Variants in AGTPBP1 observed in about 807,000 individuals in gnomAD.
AGTPBP1 encodes the protein cytosolic carboxypeptidase 1.
Under a neutral mutation model 143.9 loss-of-function variants are expected in AGTPBP1, and 70 were observed. That is an observed-to-expected ratio of 0.49 (90% confidence interval 0.40 to 0.59). AGTPBP1 has a LOEUF of 0.59. AGTPBP1 is among the 20% of genes least tolerant of loss of function. The pLI, the probability that AGTPBP1 is intolerant of heterozygous loss-of-function variation, is 0.00. For synonymous variants in AGTPBP1, 463 were observed against 500.2 expected (o/e 0.93, Z 0.99); for missense variants, 1,229 against 1,464.5 (o/e 0.84, Z 2.62).
intron 23 of AGTPBP1, among the ~76,000 whole-genome samples, chr9:85,582,679 CA>C (rs916975917): frequency 4.2e-5 from 6 of 144,226 alleles, no homozygotes; most frequent in Non-Finnish European, 1.5e-5. Flanking sequence ...GACTCCATCT[CA>C]AAAAAAAAAG....
chr9:85,662,416 T>C (rs1464514922), intron 8 of AGTPBP1, among the ~76,000 whole-genome samples: 1 of 152,224 alleles, frequency 6.6e-6, no homozygotes, highest in Non-Finnish European at 1.5e-5. Flanking sequence ...TAAATTTTCA[T>C]TGCATTGAAT....
upstream of AGTPBP1, among the ~76,000 whole-genome samples, chr9:85,744,506 C>G (rs1824559861): frequency 6.6e-6 from 1 of 152,160 alleles, no homozygotes; most frequent in South Asian, 2.1e-4. Flanking sequence ...CAGGAAAAAT[C>G]AGGTACACGG....
At chr9:85,799,201 G>A in the AGTPBP1 span, among the ~76,000 whole-genome samples, 1 of 152,090 alleles carries the variant, frequency 6.6e-6, no homozygotes, top group Non-Finnish European at 1.5e-5. Context: ...TGGTGTATAT[G>A]TGCCACATTT....
chr9:85,725,457 G>T (rs369038424), intron 1 of AGTPBP1, among the ~76,000 whole-genome samples: 42 of 152,186 alleles, frequency 2.8e-4, no homozygotes, highest in African/African-American at 8.4e-4. Context: ...CTTGATAACT[G>T]GTGGTTGCTA....
At chr9:85,698,169 T>C (rs1836394882) in intron 2 of AGTPBP1, among the ~76,000 whole-genome samples, 2 of 152,142 alleles carry the variant, frequency 1.3e-5, no homozygotes, top group South Asian at 2.1e-4. Context: ...ACACAGTGAA[T>C]GGAACACAGG....
At chr9:85,609,973 A>G (rs1295030678) in intron 17 of AGTPBP1, among the ~76,000 whole-genome samples, 1 of 152,180 alleles carries the variant, frequency 6.6e-6, no homozygotes, top group Non-Finnish European at 1.5e-5. Context: ...CACCTAAATA[A>G]TATTAAACTG....
At chr9:85,751,009 G>A in the AGTPBP1 span, among the ~76,000 whole-genome samples, 20 of 152,268 alleles carry the variant, frequency 1.3e-4, no homozygotes, top group African/African-American at 3.9e-4. Context: ...TTTCCTAATC[G>A]TACCTCTCTG....
rs528829022 is a variant in AGTPBP1 at position 85,582,729 on chromosome 9, G to A, written c.3165+2734C>T. 1.2e-3 allele frequency among the ~76,000 whole-genome samples: 177 copies of A among 151,598 alleles called. No individual in the cohort carries two copies. The Middle Eastern group carries it at 0.024, about 21-fold the overall frequency. On this transcript the variant is annotated intron_variant, in intron 23 of 25. Coordinates refer to ENST00000357081, the MANE Select transcript of AGTPBP1 (RefSeq NM_001330701.2). ...ATGTCATAATTTGTTGTATTTTCCC[G>A]CAAAAACATAAACACTTGCACTAAA... is the stretch of plus-strand genomic sequence containing the variant.
Position 85,578,952 on chromosome 9 carries a change from T to C in AGTPBP1, c.3310A>G (p.Thr1104Ala). Residue 1104 changes from threonine to alanine, a missense_variant, in exon 24 of 26, where the codon ACT becomes GCT. By Grantham distance (58) the Thr-to-Ala change is moderately conservative. Around this residue, in one of 2 missense-constraint regions of AGTPBP1, gnomAD observed 486 missense variants for 652.3 expected, o/e 0.75. Coordinates refer to ENST00000357081, the MANE Select transcript of AGTPBP1 (RefSeq NM_001330701.2). ...GVQRSYTMES[T>A]LCGCDQGKYK... ...TTTCCCTGATCACAGCCACATAAAG[T>C]ACTCTCCATGGTATAACTTCTTTGT... 6.2e-7 allele frequency: 1 copy of C among 1,613,516 alleles called. No individual in the cohort carries two copies. The highest frequency in any genetic ancestry group is 8.5e-7 in the Non-Finnish European group (1 of 1,179,790).
intron 23 of AGTPBP1, 125 bp from the exon 24 acceptor site, chr9:85,579,221 T>C (rs981987200): frequency 1.1e-6 from 1 of 916,668 alleles, no homozygotes; most frequent in Admixed American, 3.5e-5. Flanking sequence ...TTCTATTATA[T>C]ATCCCTTGCC....
chr9:85,790,222 T>TA, the AGTPBP1 span, among the ~76,000 whole-genome samples: 9 of 152,222 alleles, frequency 5.9e-5, no homozygotes, highest in Admixed American at 3.3e-4. Flanking sequence ...ATTGGGCATG[T>TA]AGTACTTTTG....
intron 9 of AGTPBP1, among the ~76,000 whole-genome samples, chr9:85,659,098 C>A (rs1334435483): frequency 6.6e-6 from 1 of 152,070 alleles, no homozygotes; most frequent in Non-Finnish European, 1.5e-5. Flanking sequence ...TATTAAAATT[C>A]TTCACAAATA....
intron 2 of AGTPBP1, among the ~76,000 whole-genome samples, chr9:85,703,609 G>C (rs1836807039): frequency 6.6e-6 from 1 of 152,222 alleles, no homozygotes; most frequent in Non-Finnish European, 1.5e-5. Context: ...CACTGAGTCA[G>C]AGTAACACTA....
intron 3 of AGTPBP1, among the ~76,000 whole-genome samples, chr9:85,689,898 C>CAAAAAAAAA (rs1156931410): frequency 2.1e-4 from 6 of 28,344 alleles, no homozygotes; most frequent in Admixed American, 1.3e-3. Flanking sequence ...GACTCTGCCT[C>CAAAAAAAAA]AAAAAAAAAA....
intron 11 of AGTPBP1, among the ~76,000 whole-genome samples, chr9:85,654,244 C>G (rs1316353052): frequency 6.6e-6 from 1 of 152,078 alleles, no homozygotes; most frequent in Non-Finnish European, 1.5e-5. Flanking sequence ...GGACTACTTT[C>G]TCTTTTTCAC....
At chr9:85,754,381 G>A in the AGTPBP1 span, among the ~76,000 whole-genome samples, 28 of 152,076 alleles carry the variant, frequency 1.8e-4, no homozygotes, top group Non-Finnish European at 3.4e-4. Context: ...TAGTAGAGAC[G>A]GGGTTTCACC....
chr9:85,691,676 C>T (rs1356841745), intron 3 of AGTPBP1, among the ~76,000 whole-genome samples: 1 of 151,762 alleles, frequency 6.6e-6, no homozygotes, highest in South Asian at 2.1e-4. Flanking sequence ...TGATATATTT[C>T]CTGGTATCTT....
chr9:85,734,429 A>ACATC (rs76805078), intron 1 of AGTPBP1, among the ~76,000 whole-genome samples: 2,255 of 152,332 alleles, frequency 0.015, 25 homozygotes, highest in Middle Eastern at 0.037. Flanking sequence ...CCTGATACCA[A>ACATC]AGTCAGACAG....
intron 2 of AGTPBP1, among the ~76,000 whole-genome samples, chr9:85,697,245 C>A (rs1052785824): frequency 6.6e-6 from 1 of 152,022 alleles, no homozygotes; most frequent in African/African-American, 2.4e-5. Flanking sequence ...ATAAGAGAAT[C>A]TGTTTTCTAT....
Sources: allele counts gnomAD v4.1 joint callset (sites outside exome capture counted in the v4.1 genomes callset), GRCh38; gene constraint gnomAD v4.1.1; regional missense constraint gnomAD v4.1.1; transcripts MANE v1.5; gene names NCBI Gene and HGNC (gene_info 2026-07-23, HGNC 2026-07-21).